RNGTT: variants seen among roughly 807,000 people sequenced by gnomAD.
The protein encoded by RNGTT is mRNA-capping enzyme.
RNGTT carries 33 observed loss-of-function variants against 79.3 expected under a neutral mutation model. That is an observed-to-expected ratio of 0.42 (90% CI 0.32 to 0.56). The LOEUF is 0.56. Ranked by LOEUF, RNGTT falls within the 20% of genes least tolerant of loss-of-function variation. The pLI, the probability that RNGTT is intolerant of heterozygous loss-of-function variation, is 0.17. For synonymous variants in RNGTT, 222 were observed against 235.9 expected (o/e 0.94, Z 0.54); for missense variants, 497 against 739.1 (o/e 0.67, Z 3.80).
At chr6:88,618,076 T>C (rs766479874) in intron 14 of RNGTT, among the ~76,000 whole-genome samples, 2 of 152,316 alleles carry the variant, frequency 1.3e-5, no homozygotes, top group Non-Finnish European at 2.9e-5. Context: ...AGTTTCAGAA[T>C]TGCTATAAAT....
rs185156900 is a variant in RNGTT at position 88,737,301 on chromosome 6, T to A, written c.1439+32473A>T. Among the ~76,000 whole-genome samples the A allele has an allele frequency of 2.2e-4, 33 of 152,300 alleles. No individual in the cohort carries two copies. The East Asian group carries it at 6.4e-3, about 29-fold the overall frequency. Reference sequence around the variant, plus strand: ...AGTAGTACTTGCTAGTTTCACAGATTCACAGCTAGAGAGAATTTTGTCTCA... The same window carrying A: ...AGTAGTACTTGCTAGTTTCACAGATACACAGCTAGAGAGAATTTTGTCTCA... On this transcript the variant is annotated intron_variant, in intron 13 of 15. Transcript: ENST00000369485.
chr6:88,698,178 G>GAA lies in RNGTT; in HGVS notation c.1440-19760_1440-19759insTT, dbSNP rs1491237535. Reference sequence around the variant, plus strand: ...CATATGATATATATGACATATATATGATATATATATGAAATATATATGATA... The same window carrying GAA: ...CATATGATATATATGACATATATATGAAATATATATATGAAATATATATGATA... On this transcript the variant is annotated intron_variant, in intron 13 of 15. Coordinates refer to ENST00000369485, the MANE Select transcript of RNGTT (RefSeq NM_003800.5). 3.3e-5 allele frequency among the ~76,000 whole-genome samples: 3 copies of GAA among 90,458 alleles called. 1 individual carries two copies. The highest frequency in any genetic ancestry group is 6.0e-5 in the Non-Finnish European group (3 of 49,834). The allele number at this position is 90,458 out of a possible 152,430, so 59.3% of individuals were successfully genotyped here.
At chr6:88,778,779 C>T (rs920590369) in intron 12 of RNGTT, among the ~76,000 whole-genome samples, 2 of 152,112 alleles carry the variant, frequency 1.3e-5, no homozygotes, top group African/African-American at 4.8e-5. Context: ...AAGAAAAAAT[C>T]ATTGGAATTG....
intron 14 of RNGTT, among the ~76,000 whole-genome samples, chr6:88,643,059 T>C (rs1773386238): frequency 6.6e-6 from 1 of 152,126 alleles, no homozygotes. Flanking sequence ...TATCATTAAG[T>C]CAAAAATGCA....
intron 6 of RNGTT, among the ~76,000 whole-genome samples, chr6:88,901,375 C>A (rs1418630231): frequency 6.7e-6 from 1 of 149,984 alleles, no homozygotes; most frequent in African/African-American, 2.5e-5. Flanking sequence ...TGCTGAAAAT[C>A]AAAAACAATA....
chr6:88,901,132 A>T (rs1783441122), intron 6 of RNGTT, among the ~76,000 whole-genome samples: 1 of 151,672 alleles, frequency 6.6e-6, no homozygotes, highest in Admixed American at 6.6e-5. Flanking sequence ...ACAGAGCTAG[A>T]CTGTCTCCAG....
chr6:88,887,954 GAA>G (rs1782922909), intron 8 of RNGTT, among the ~76,000 whole-genome samples: 1 of 151,874 alleles, frequency 6.6e-6, no homozygotes, highest in Admixed American at 6.6e-5. Flanking sequence ...TATCTCTACA[GAA>G]AATTTTAAAA....
chr6:88,963,304 C>A (rs548081052), intron 1 of RNGTT, 42 bp downstream of exon 1: 1 of 1,605,698 alleles, frequency 6.2e-7, no homozygotes, highest in South Asian at 1.1e-5. Context: ...CCCCCGGGCA[C>A]GTTGGAGTGT....
intron 2 of RNGTT, 26 bp from the exon 3 acceptor site, chr6:88,929,293 C>A (rs762430833): frequency 2.3e-6 from 3 of 1,319,470 alleles, no homozygotes; most frequent in East Asian, 2.3e-5. Flanking sequence ...AATGAAAGGG[C>A]AAATTTACTA....
chr6:88,938,017 G>A (rs977927458), intron 2 of RNGTT, among the ~76,000 whole-genome samples: 9 of 152,244 alleles, frequency 5.9e-5, no homozygotes, highest in African/African-American at 2.2e-4. Context: ...ATAGCTACTG[G>A]ATGAAATGTT....
intron 13 of RNGTT, among the ~76,000 whole-genome samples, chr6:88,726,071 AAG>A (rs1052309612): frequency 5.3e-5 from 8 of 152,110 alleles, no homozygotes; most frequent in African/African-American, 1.9e-4. Flanking sequence ...GTAAAGAGAA[AAG>A]AGTGTATCCT....
Position 88,904,974 on chromosome 6 carries a change from A to G in RNGTT, c.444-19T>C, listed in dbSNP as rs764283139. The G allele has an allele frequency of 6.2e-7, 1 of 1,609,354 alleles. No individual in the cohort carries two copies. Among genetic ancestry groups the G allele is most frequent in the Non-Finnish European group, 8.5e-7 (1 of 1,177,506 alleles). On this transcript the variant is annotated intron_variant, in intron 5 of 15. Coordinates refer to ENST00000369485, the MANE Select transcript of RNGTT (RefSeq NM_003800.5). ...TTCGATACTATAGGAAACAAACACC[A>G]TGCAATTTCCTCGCTATCCTCTATT...
At chr6:88,948,632 C>T (rs1407877045) in intron 1 of RNGTT, among the ~76,000 whole-genome samples, 5 of 141,396 alleles carry the variant, frequency 3.5e-5, no homozygotes, top group South Asian at 4.8e-4. Flanking sequence ...TCATTGAGAA[C>T]GGGCCAGGAT....
intron 8 of RNGTT, among the ~76,000 whole-genome samples, chr6:88,879,015 C>T (rs1216363699): frequency 6.6e-6 from 1 of 152,142 alleles, no homozygotes; most frequent in Non-Finnish European, 1.5e-5. Flanking sequence ...TTAGCATAAA[C>T]ATACACTACA....
chr6:88,932,936 A>C (rs1784554073), intron 2 of RNGTT, among the ~76,000 whole-genome samples: 1 of 152,182 alleles, frequency 6.6e-6, no homozygotes, highest in Non-Finnish European at 1.5e-5. Flanking sequence ...TATACCACAT[A>C]GGTTGATGGT....
chr6:88,623,252 T>C (rs1424092227), intron 14 of RNGTT, among the ~76,000 whole-genome samples: 1 of 152,088 alleles, frequency 6.6e-6, no homozygotes, highest in Non-Finnish European at 1.5e-5. Flanking sequence ...GGCAATGCAA[T>C]GGAAATAATG....
intron 13 of RNGTT, among the ~76,000 whole-genome samples, chr6:88,758,372 G>C (rs542848887): frequency 7.9e-5 from 12 of 152,246 alleles, no homozygotes; most frequent in African/African-American, 2.9e-4. Context: ...ATGAACTAAC[G>C]CTCAACCAAG....
rs1461613214 is a variant in RNGTT, at chr6:88,684,353, C to T, written c.1440-5934G>A. The stretch of plus-strand genomic sequence containing the variant: ...TCTTACAAAACTGAATATACCCTTA[C>T]CACATGACCCAATAATCATCTTCCT... On this transcript the variant is annotated intron_variant, in intron 13 of 15. Coordinates refer to ENST00000369485, the MANE Select transcript of RNGTT (RefSeq NM_003800.5). Among the ~76,000 whole-genome samples, 3 of 152,272 alleles carry T rather than the reference C, an allele frequency of 2.0e-5. No homozygotes were observed. In the East Asian group the frequency reaches 5.8e-4, roughly 29 times the overall value.
At chr6:88,725,126 C>T (rs376634114) in intron 13 of RNGTT, among the ~76,000 whole-genome samples, 35 of 152,300 alleles carry the variant, frequency 2.3e-4, no homozygotes, top group African/African-American at 7.7e-4. Context: ...ATAACAATTC[C>T]GGGGCTGGCC....
Sources: gnomAD v4.1 joint callset for allele counts (sites outside exome capture counted in the v4.1 genomes callset) on GRCh38, gnomAD v4.1.1 for gene constraint, MANE v1.5 for transcripts, NCBI Gene and HGNC (gene_info 2026-07-23, HGNC 2026-07-21) for gene names.